PRELID2: variants seen among roughly 807,000 people sequenced by gnomAD.
The protein encoded by PRELID2 is PRELI domain containing 2.
PRELID2 carries 25 observed loss-of-function variants against 28.4 expected under a neutral mutation model. The observed-to-expected ratio is 0.88, with a 90% confidence interval of 0.64 to 1.23. PRELID2 has a LOEUF of 1.23. PRELID2 is among the 50% of genes most tolerant of loss of function. The pLI is 0.00. For missense variants in PRELID2, 201 were observed against 214.4 expected (o/e 0.94, Z 0.39); for synonymous variants, 76 against 71.6 (o/e 1.06, Z -0.31).
At chr5:145,549,577 G>A (rs941766050) in intron 1 of PRELID2, among the ~76,000 whole-genome samples, 3 of 152,096 alleles carry the variant, frequency 2.0e-5, no homozygotes, top group African/African-American at 4.8e-5. Context: ...GACGGAGCAC[G>A]AGGTCAGGAG....
intron 1 of PRELID2, chr5:145,728,777 G>A: frequency 8.3e-7 from 1 of 1,203,468 alleles, no homozygotes; most frequent in Non-Finnish European, 1.2e-6. Context: ...TTGCACCAAT[G>A]TAGTAGGAGT....
chr5:145,276,914 C>T, the PRELID2 span, among the ~76,000 whole-genome samples: 3 of 152,106 alleles, frequency 2.0e-5, no homozygotes, highest in East Asian at 5.8e-4. Context: ...AATGTGAGAG[C>T]TGAGGTTGAT....
intron 1 of PRELID2, among the ~76,000 whole-genome samples, chr5:145,726,573 A>G (rs1056104066): frequency 6.6e-6 from 1 of 152,248 alleles, no homozygotes; most frequent in African/African-American, 2.4e-5. Flanking sequence ...AGATAGGCGA[A>G]TATGTACAAG....
At position 145,751,311 on chromosome 5, in the gene PRELID2, C is replaced by G. The variant is rs1757116941; in HGVS notation, n.70+13620G>C. Among the ~76,000 whole-genome samples the G allele has an allele frequency of 1.3e-5, 2 of 152,198 alleles. 1 individual carries two copies. Among genetic ancestry groups the G allele is most frequent in the Admixed American group, 1.3e-4 (2 of 15,282 alleles). ...GAGAACATAGGCTGATTCTGCAGAA[C>G]ATGGAAATTTCAGGAGTTCCAGTGA... On this transcript the variant is annotated intron_variant and non_coding_transcript_variant, in intron 1 of 2. Transcript: ENST00000510259.
chr5:145,532,798 TTC>T (rs1431024220), intron 1 of PRELID2, among the ~76,000 whole-genome samples: 1 of 152,158 alleles, frequency 6.6e-6, no homozygotes, highest in African/African-American at 2.4e-5. Context: ...CAGGATTTTC[TTC>T]TGTTTATAGA....
At chr5:145,678,360 A>G (rs1163535674) in intron 1 of PRELID2, among the ~76,000 whole-genome samples, 1 of 152,130 alleles carries the variant, frequency 6.6e-6, no homozygotes, top group Non-Finnish European at 1.5e-5. Context: ...CAAACATCCA[A>G]AGAAATGCTT....
At chr5:145,463,280 CTTTT>C in the PRELID2 span, among the ~76,000 whole-genome samples, 1 of 148,086 alleles carries the variant, frequency 6.8e-6, no homozygotes, top group South Asian at 2.2e-4. Context: ...CATTTTTAAT[CTTTT>C]TTAAGTTTCA....
At chr5:145,730,007 A>G (rs554851335) in intron 1 of PRELID2, among the ~76,000 whole-genome samples, 95 of 152,310 alleles carry the variant, frequency 6.2e-4, no homozygotes, top group African/African-American at 2.1e-3. Flanking sequence ...TATATGGCCA[A>G]TTCTAAGACA....
At chr5:145,647,561 C>T (rs971691062) in intron 1 of PRELID2, among the ~76,000 whole-genome samples, 1 of 152,160 alleles carries the variant, frequency 6.6e-6, no homozygotes, top group African/African-American at 2.4e-5. Flanking sequence ...CCAGGTGCCA[C>T]TGGCATATGG....
At chr5:145,531,452 GAACTCT>G (rs1273200081) in intron 1 of PRELID2, among the ~76,000 whole-genome samples, 1 of 152,172 alleles carries the variant, frequency 6.6e-6, no homozygotes, top group Non-Finnish European at 1.5e-5. Flanking sequence ...TGAAAGTTAA[GAACTCT>G]AACCTTGATA....
At chr5:145,500,408 C>T (rs896885515) in intron 1 of PRELID2, among the ~76,000 whole-genome samples, 2 of 148,976 alleles carry the variant, frequency 1.3e-5, no homozygotes, top group Non-Finnish European at 3.0e-5. Context: ...CCTGTATAGC[C>T]TGTAGAAAGT....
chr5:145,238,996 T>C, the PRELID2 span, among the ~76,000 whole-genome samples: 1 of 152,210 alleles, frequency 6.6e-6, no homozygotes, highest in South Asian at 2.1e-4. Flanking sequence ...TGTCTATCTA[T>C]CTATCTAACA....
the PRELID2 span, among the ~76,000 whole-genome samples, chr5:145,246,482 A>G: frequency 1.3e-5 from 2 of 152,154 alleles, no homozygotes; most frequent in African/African-American, 4.8e-5. Context: ...AGTGTGGTAT[A>G]TTAATAGGTA....
the PRELID2 span, among the ~76,000 whole-genome samples, chr5:145,289,443 T>G: frequency 6.6e-5 from 10 of 152,264 alleles, no homozygotes; most frequent in Admixed American, 5.2e-4. Flanking sequence ...TCATTTCCTC[T>G]TATTGCTAAA....
the PRELID2 span, among the ~76,000 whole-genome samples, chr5:145,353,462 C>CAA: frequency 9.2e-5 from 13 of 141,374 alleles, no homozygotes; most frequent in African/African-American, 2.8e-4. Context: ...GAATCCATCT[C>CAA]AAAAAAAAAA....
chr5:145,636,522 A>G (rs77593542), intron 1 of PRELID2, among the ~76,000 whole-genome samples: 2 of 152,218 alleles, frequency 1.3e-5, no homozygotes, highest in African/African-American at 2.4e-5. Context: ...GCATCTGGGT[A>G]TTTGTCCCAA....
At chr5:145,820,682 T>C (rs1754720509) in intron 2 of PRELID2, among the ~76,000 whole-genome samples, 1 of 152,266 alleles carries the variant, frequency 6.6e-6, no homozygotes, top group East Asian at 1.9e-4. Flanking sequence ...ACCTCAATTA[T>C]GGTCTCCTCA....
chr5:145,354,123 T>C, the PRELID2 span, among the ~76,000 whole-genome samples: 1 of 152,134 alleles, frequency 6.6e-6, no homozygotes, highest in African/African-American at 2.4e-5. Flanking sequence ...ACTCACTCGA[T>C]CTTAGCAAAC....
chr5:145,429,359 G>A, the PRELID2 span, among the ~76,000 whole-genome samples: 1 of 152,150 alleles, frequency 6.6e-6, no homozygotes, highest in African/African-American at 2.4e-5. Flanking sequence ...GAGGTTTGTG[G>A]TCTGAGCAAC....
Sources: allele counts gnomAD v4.1 joint callset (sites outside exome capture counted in the v4.1 genomes callset), GRCh38; gene constraint gnomAD v4.1.1; transcripts MANE v1.5; gene names NCBI Gene and HGNC (gene_info 2026-07-23, HGNC 2026-07-21).